The following CPHXL2 variants were observed in gnomAD, a reference collection of about 807,000 sequenced individuals.
The protein encoded by CPHXL2 is cytoplasmic polyadenylated homeobox like 2, also known as cytoplasmic polyadenylated homeobox-like protein 2.
chr16:75,665,536 G>T, the CPHXL2 span, among the ~76,000 whole-genome samples: 1 of 152,176 alleles, frequency 6.6e-6, no homozygotes, highest in Non-Finnish European at 1.5e-5. Context: ...GCCTTTTAAA[G>T]CATAAATCTC....
the CPHXL2 span, chr16:75,669,363 G>T: frequency 5.0e-6 from 2 of 400,152 alleles, no homozygotes; most frequent in East Asian, 7.1e-5. Context: ...TTGAACTTAC[G>T]TTTATCACGT....
chr16:75,669,388 A>G, the CPHXL2 span: 1 of 400,628 alleles, frequency 2.5e-6, no homozygotes, highest in Non-Finnish European at 4.4e-6. Context: ...CGGACAATCA[A>G]ATTTGTTGGC....
chr16:75,666,069 A>G, the CPHXL2 span, among the ~76,000 whole-genome samples: 1 of 152,184 alleles, frequency 6.6e-6, no homozygotes, highest in East Asian at 1.9e-4. Context: ...ACATAAACTT[A>G]AGGTAAAGGG....
chr16:75,676,401 G>T, the CPHXL2 span, among the ~76,000 whole-genome samples: 6 of 152,236 alleles, frequency 3.9e-5, no homozygotes, highest in Admixed American at 2.0e-4. Flanking sequence ...ATAGCTTATG[G>T]CAGTTTCTAA....
the CPHXL2 span, among the ~76,000 whole-genome samples, chr16:75,670,622 C>T: frequency 1.1e-4 from 16 of 152,214 alleles, no homozygotes; most frequent in South Asian, 3.3e-3. Flanking sequence ...GATTCTTGCG[C>T]CTCAGCCTCC....
At chr16:75,670,873 C>T in the CPHXL2 span, among the ~76,000 whole-genome samples, 1 of 152,150 alleles carries the variant, frequency 6.6e-6, no homozygotes, top group African/African-American at 2.4e-5. Flanking sequence ...GACATCGCTT[C>T]TTCTTTTCCC....
chr16:75,665,314 G>C, the CPHXL2 span, among the ~76,000 whole-genome samples: 19 of 152,226 alleles, frequency 1.2e-4, no homozygotes, highest in Non-Finnish European at 2.4e-4. Context: ...AGCTAGAAGG[G>C]ATTGGGGCCC....
the CPHXL2 span, among the ~76,000 whole-genome samples, chr16:75,673,191 T>C: frequency 6.6e-6 from 1 of 151,592 alleles, no homozygotes; most frequent in African/African-American, 2.4e-5. Flanking sequence ...TCCCAGCACT[T>C]TGGGAGGACC....
At chr16:75,673,975 G>C in the CPHXL2 span, among the ~76,000 whole-genome samples, 2 of 131,952 alleles carry the variant, frequency 1.5e-5, no homozygotes, top group Non-Finnish European at 3.2e-5. Flanking sequence ...GAGAGATCTC[G>C]TCTTAAAAAA....
chr16:75,663,930 C>G, the CPHXL2 span, among the ~76,000 whole-genome samples: 1 of 146,734 alleles, frequency 6.8e-6, no homozygotes. Flanking sequence ...CTCTTCAAGT[C>G]TGATAAGAAA....
At chr16:75,676,394 G>A in the CPHXL2 span, among the ~76,000 whole-genome samples, 1 of 152,156 alleles carries the variant, frequency 6.6e-6, no homozygotes. Flanking sequence ...CATGATCATA[G>A]CTTATGGCAG....
the CPHXL2 span, among the ~76,000 whole-genome samples, chr16:75,673,199 A>C: frequency 6.6e-6 from 1 of 151,088 alleles, no homozygotes; most frequent in Admixed American, 6.6e-5. Flanking sequence ...CTTTGGGAGG[A>C]CCAGGCGGGC....
the CPHXL2 span, among the ~76,000 whole-genome samples, chr16:75,665,530 T>C: frequency 1.3e-5 from 2 of 152,182 alleles, no homozygotes; most frequent in African/African-American, 4.8e-5. Context: ...AACATAGCCT[T>C]TTAAAGCATA....
At chr16:75,668,229 A>T in the CPHXL2 span, among the ~76,000 whole-genome samples, 116 of 88,454 alleles carry the variant, frequency 1.3e-3, 2 homozygotes, top group African/African-American at 0.013. Context: ...ATATACATAT[A>T]TATTTTTTTT....
chr16:75,661,973 TA>T, the CPHXL2 span, among the ~76,000 whole-genome samples: 1 of 152,178 alleles, frequency 6.6e-6, no homozygotes, highest in Admixed American at 6.5e-5. Flanking sequence ...CAGCACTGCC[TA>T]CCTGGAAACA....
the CPHXL2 span, among the ~76,000 whole-genome samples, chr16:75,674,570 T>G: frequency 6.6e-6 from 1 of 152,134 alleles, no homozygotes; most frequent in Non-Finnish European, 1.5e-5. Context: ...CCCAGCTAAC[T>G]GCTTTGGAGA....
At chr16:75,663,094 G>A in the CPHXL2 span, among the ~76,000 whole-genome samples, 1 of 152,194 alleles carries the variant, frequency 6.6e-6, no homozygotes, top group Admixed American at 6.5e-5. Context: ...GCCACTCACT[G>A]CGCCCGGTGG....
At chr16:75,668,552 G>A in the CPHXL2 span, among the ~76,000 whole-genome samples, 1 of 152,166 alleles carries the variant, frequency 6.6e-6, no homozygotes, top group South Asian at 2.1e-4. Context: ...GTGTGTGTGT[G>A]TACAATTTTC....
At chr16:75,663,240 A>G in the CPHXL2 span, among the ~76,000 whole-genome samples, 2 of 152,192 alleles carry the variant, frequency 1.3e-5, no homozygotes, top group Non-Finnish European at 2.9e-5. Context: ...TGAAGCTACA[A>G]GGATCTTTGA....
Sources: gnomAD v4.1 joint callset for allele counts (sites outside exome capture counted in the v4.1 genomes callset) on GRCh38, gnomAD v4.1.1 for gene constraint, MANE v1.5 for transcripts, NCBI Gene and HGNC (gene_info 2026-07-23, HGNC 2026-07-21) for gene names.